The following DSCAM variants were observed in gnomAD, a reference collection of about 807,000 sequenced individuals.
DSCAM encodes DS cell adhesion molecule, also known as cell adhesion molecule DSCAM.
DSCAM carries 47 observed loss-of-function variants against 217.7 expected under a neutral mutation model. That is an observed-to-expected ratio of 0.22 (90% CI 0.17 to 0.28). DSCAM has a LOEUF of 0.28. Ranked by LOEUF, DSCAM falls within the 10% of genes least tolerant of loss-of-function variation. The probability of loss-of-function intolerance (pLI) is 1.00; values close to 1 mark genes in which losing one functional copy is unlikely to be tolerated. For missense variants in DSCAM, 2,080 were observed against 2,618.3 expected (o/e 0.79, Z 4.49); for synonymous variants, 1,056 against 1,015.3 (o/e 1.04, Z -0.76).
intron 3 of DSCAM, among the ~76,000 whole-genome samples, chr21:40,475,585 C>T (rs889106315): frequency 4.6e-5 from 7 of 152,234 alleles, no homozygotes; most frequent in African/African-American, 1.7e-4. Context: ...GCAGTGGCTG[C>T]ACTTTGGGAG....
At chr21:40,189,834 CCT>C (rs956421924) in intron 11 of DSCAM, among the ~76,000 whole-genome samples, 3 of 152,186 alleles carry the variant, frequency 2.0e-5, no homozygotes, top group African/African-American at 7.2e-5. Context: ...GTCCATTAAA[CCT>C]CTTTCTTTTG....
intron 1 of DSCAM, among the ~76,000 whole-genome samples, chr21:40,752,767 A>T (rs1183899701): frequency 6.6e-6 from 1 of 152,166 alleles, no homozygotes; most frequent in Non-Finnish European, 1.5e-5. Flanking sequence ...AAATAAGCTC[A>T]ATTTTAAAAA....
chr21:40,780,671 C>T (rs200240212), intron 1 of DSCAM, among the ~76,000 whole-genome samples: 3 of 151,748 alleles, frequency 2.0e-5, no homozygotes, highest in East Asian at 3.9e-4. Context: ...GACTGGTGTC[C>T]TTACAAAAAG....
rs144466647 is a variant in DSCAM at position 40,371,026 on chromosome 21, C to G, written c.509-1781G>C. Among the ~76,000 whole-genome samples the G allele has an allele frequency of 1.4e-3, 209 of 152,224 alleles. 1 individual carries two copies. Among genetic ancestry groups the G allele is most frequent in the African/African-American group, 4.7e-3 (194 of 41,550 alleles). On this transcript the variant is annotated intron_variant, in intron 3 of 32. Transcript: ENST00000400454. The stretch of plus-strand genomic sequence containing the variant: ...TGAAAAAGATCATAAAATAACAGAG[C>G]AAATACTGACCTTGTATAAGCTTTT...
chr21:40,169,549 G>C (rs373074116), intron 15 of DSCAM, among the ~76,000 whole-genome samples: 36 of 152,266 alleles, frequency 2.4e-4, no homozygotes, highest in South Asian at 1.2e-3. Flanking sequence ...GCAGGAAGCT[G>C]ATTCCGCAGG....
At chr21:40,806,205 C>T (rs569785953) in intron 1 of DSCAM, among the ~76,000 whole-genome samples, 6 of 152,284 alleles carry the variant, frequency 3.9e-5, no homozygotes, top group Non-Finnish European at 8.8e-5. Flanking sequence ...AGATTAAGTC[C>T]CCACTGTGGC....
intron 3 of DSCAM, among the ~76,000 whole-genome samples, chr21:40,423,245 T>C (rs973351420): frequency 6.6e-6 from 1 of 152,220 alleles, no homozygotes; most frequent in East Asian, 1.9e-4. Context: ...ATTCCCAAAA[T>C]TTTGAGTCAC....
intron 4 of DSCAM, 31 bp from the exon 5 acceptor site, chr21:40,353,774 G>GT (rs754457190): frequency 4.7e-6 from 7 of 1,485,970 alleles, no homozygotes. Context: ...CTTAGAGGCA[G>GT]GAATGAGGAG....
chr21:40,347,004 A>T (rs938151352), intron 6 of DSCAM, among the ~76,000 whole-genome samples: 2 of 152,148 alleles, frequency 1.3e-5, no homozygotes, highest in Admixed American at 6.5e-5. Context: ...GATGCTGCCA[A>T]AGATCCTATA....
chr21:40,706,926 G>A (rs1477330841), intron 2 of DSCAM, among the ~76,000 whole-genome samples: 1 of 152,190 alleles, frequency 6.6e-6, no homozygotes, highest in African/African-American at 2.4e-5. Flanking sequence ...GGTTTCAGAT[G>A]TCAAGAACGC....
At chr21:40,846,431 T>C (rs2092145593) in intron 1 of DSCAM, among the ~76,000 whole-genome samples, 188 bp downstream of exon 1, 1 of 152,022 alleles carries the variant, frequency 6.6e-6, no homozygotes, top group South Asian at 2.1e-4. Context: ...GGCCTCTCCA[T>C]TGCCACCTCT....
intron 3 of DSCAM, among the ~76,000 whole-genome samples, chr21:40,673,506 G>A (rs959516347): frequency 6.6e-6 from 1 of 152,108 alleles, no homozygotes; most frequent in Admixed American, 6.6e-5. Flanking sequence ...GCCTTACGTT[G>A]GAAGTAGTTT....
chr21:40,824,830 C>A (rs2091955580), intron 1 of DSCAM, among the ~76,000 whole-genome samples: 2 of 152,202 alleles, frequency 1.3e-5, no homozygotes. Context: ...TCCTGCCAAT[C>A]TTTTCACTGC....
chr21:40,602,555 C>T (rs2205136), intron 3 of DSCAM, among the ~76,000 whole-genome samples: 59,906 of 151,932 alleles, frequency 0.39, 12,146 homozygotes, highest in East Asian at 0.55. Flanking sequence ...TCTTGATAGT[C>T]TGTGTCCTTC....
chr21:40,036,916 C>A (rs1175746973), intron 32 of DSCAM, among the ~76,000 whole-genome samples: 2 of 150,472 alleles, frequency 1.3e-5, no homozygotes, highest in African/African-American at 2.5e-5. Context: ...AGACAAAAAC[C>A]ACATGATTAT....
intron 15 of DSCAM, among the ~76,000 whole-genome samples, chr21:40,174,026 G>C (rs1490012419): frequency 1.3e-5 from 2 of 152,182 alleles, no homozygotes; most frequent in African/African-American, 4.8e-5. Context: ...TGGGGAAGTT[G>C]GTCTGTAGCA....
At position 40,142,660 on chromosome 21, in the gene DSCAM, G is replaced by A; in HGVS notation, c.3304C>T (p.Pro1102Ser). ...GACCAGGATATTGATATGCTTTCTG[G>A]TGATGTTGCTATGGCTTGGACATTT... ...PENVQAIATS[P>S]ESISISWSTL... is the part of the protein sequence containing the mutation. The change falls in exon 18 of 33, where the codon CCA becomes TCA. Residue 1102 changes from proline to serine, a missense_variant. Around this residue, in one of 5 missense-constraint regions of DSCAM, gnomAD observed 1,144 missense variants for 1,421.1 expected, o/e 0.81. Transcript: ENST00000400454. 6.2e-7 allele frequency: 1 copy of A among 1,614,174 alleles called. No individual in the cohort carries two copies. Among genetic ancestry groups the A allele is most frequent in the East Asian group, 2.2e-5 (1 of 44,884 alleles).
At chr21:40,500,669 C>T (rs2076163781) in intron 3 of DSCAM, among the ~76,000 whole-genome samples, 1 of 152,206 alleles carries the variant, frequency 6.6e-6, no homozygotes, top group Non-Finnish European at 1.5e-5. Context: ...CAGTGCAGTA[C>T]CCAGGGGCTA....
At chr21:40,062,777 G>T in intron 28 of DSCAM, 92 bp downstream of exon 28, 1 of 1,197,020 alleles carries the variant, frequency 8.4e-7, no homozygotes, top group Non-Finnish European at 1.2e-6. Flanking sequence ...ATCAATTTCA[G>T]ACTGCCATTA....
Sources: allele counts gnomAD v4.1 joint callset (sites outside exome capture counted in the v4.1 genomes callset), GRCh38; gene constraint gnomAD v4.1.1; regional missense constraint gnomAD v4.1.1; transcripts MANE v1.5; gene names NCBI Gene and HGNC (gene_info 2026-07-23, HGNC 2026-07-21).